The following IRAG2 variants were observed in gnomAD, a reference collection of about 807,000 sequenced individuals.
IRAG2 encodes lymphoid restricted membrane protein.
Under a neutral mutation model 69.9 loss-of-function variants are expected in IRAG2, and 45 were observed. That is an observed-to-expected ratio of 0.64 (90% CI 0.51 to 0.83). The LOEUF (loss-of-function observed/expected upper bound fraction) is 0.83. Ranked by LOEUF, IRAG2 falls within the 40% of genes least tolerant of loss-of-function variation. The probability of loss-of-function intolerance (pLI) is 0.00; values close to 1 mark genes in which losing one functional copy is unlikely to be tolerated. For synonymous variants in IRAG2, 193 were observed against 202.4 expected, an observed-to-expected ratio of 0.95 and a Z score of 0.40; for missense variants, 520 against 587.0, an observed-to-expected ratio of 0.89 and a Z score of 1.18.
At chr12:25,063,572 C>T (rs1012476780) in intron 3 of IRAG2, 148 bp from the exon 4 acceptor site, 3 of 393,604 alleles carry the variant, frequency 7.6e-6, no homozygotes, top group African/African-American at 6.2e-5. Flanking sequence ...AGCTTTTTTA[C>T]TTGACAGAAT....
At chr12:25,030,872 G>A (rs931660475) in intron 10 of IRAG2, 1 of 199,742 alleles carries the variant, frequency 5.0e-6, no homozygotes, top group African/African-American at 2.4e-5. Flanking sequence ...CAACATAAAT[G>A]AGTCTGCAGC....
chr12:25,101,245 C>T lies in IRAG2; in HGVS notation c.809C>T (p.Ala270Val), dbSNP rs1267895795. Residue 270 changes from alanine to valine, a missense_variant, in exon 16 of 22, where the codon GCC becomes GTC. Transcript: ENST00000556887. Reference protein sequence around the residue: ...QHVENLKRMYAKEHAELEELK... With the variant: ...QHVENLKRMYVKEHAELEELK... ...GTAGAAAACTTGAAGAGGATGTATG[C>T]CAAAGAGCACGCTGAATTAGAAGAA... 3 of 1,611,682 alleles carry T rather than the reference C, an allele frequency of 1.9e-6. No homozygotes were observed. The East Asian group carries it at 6.7e-5, about 36-fold the overall frequency.
intron 4 of IRAG2, 39 bp downstream of exon 4, chr12:25,063,855 G>T (rs898751602): frequency 5.0e-6 from 2 of 398,844 alleles, no homozygotes; most frequent in Non-Finnish European, 4.4e-6. Context: ...CACAAGTAGG[G>T]GTAGAGTTCT....
intron 1 of IRAG2, among the ~76,000 whole-genome samples, chr12:25,054,271 T>C (rs766860777): frequency 1.2e-4 from 18 of 152,324 alleles, no homozygotes; most frequent in Admixed American, 5.2e-4. Context: ...GAAGGTTCCC[T>C]TGTGATTAGA....
chr12:25,057,139 G>C (rs1483238598), intron 1 of IRAG2, among the ~76,000 whole-genome samples: 1 of 152,020 alleles, frequency 6.6e-6, no homozygotes, highest in Non-Finnish European at 1.5e-5. Context: ...TTGCATGTCT[G>C]AGTGATGCAT....
chr12:25,092,413 AAATTAACTGGGC>A (rs1267228352), intron 14 of IRAG2, among the ~76,000 whole-genome samples: 2 of 151,502 alleles, frequency 1.3e-5, no homozygotes, highest in Non-Finnish European at 2.9e-5. Flanking sequence ...AAAAAAAAAA[AAATTAACTGGGC>A]ATAGTGGGAC....
At position 25,021,141 on chromosome 12, in the gene IRAG2, G is replaced by A. The variant is rs1455742094; in HGVS notation, c.1332+234G>A. On this transcript the variant is annotated intron_variant, in intron 7 of 38. Coordinates refer to the IRAG2 transcript ENST00000636465. ...TTTTTTTGAGACAGGATCTTGCTTT[G>A]TTGCCCAGGCTGGAGTGCAGTGGCA... The A allele has an allele frequency of 5.0e-5, 7 of 139,318 alleles. No homozygotes were observed. The South Asian group carries it at 1.0e-3, about 20-fold the overall frequency. The allele number at this position is 139,318 out of a possible 1,614,324, so 8.6% of individuals were successfully genotyped here.
At chr12:25,067,195 C>G (rs1946038970) in intron 5 of IRAG2, among the ~76,000 whole-genome samples, 1 of 152,078 alleles carries the variant, frequency 6.6e-6, no homozygotes, top group Non-Finnish European at 1.5e-5. Context: ...GTCCCTGCAC[C>G]CTACCCTCTT....
chr12:25,033,806 G>A, intron 12 of IRAG2: 1 of 398,606 alleles, frequency 2.5e-6, no homozygotes. Context: ...ACGTAATGTT[G>A]GAGGCACACC....
chr12:25,078,213 C>T (rs528894834), intron 6 of IRAG2, among the ~76,000 whole-genome samples: 1 of 152,148 alleles, frequency 6.6e-6, no homozygotes, highest in South Asian at 2.1e-4. Context: ...TATTAAAGGG[C>T]TCTTGTAAAT....
intron 1 of IRAG2, among the ~76,000 whole-genome samples, chr12:25,054,939 A>G (rs1945139391): frequency 6.6e-6 from 1 of 152,228 alleles, no homozygotes; most frequent in East Asian, 1.9e-4. Context: ...ACGTCCACGC[A>G]CATCCCGCCA....
the IRAG2 span, among the ~76,000 whole-genome samples, chr12:24,997,849 T>G: frequency 6.6e-6 from 1 of 152,024 alleles, no homozygotes. Context: ...AGAAAAACAC[T>G]CTACAAATAG....
upstream of IRAG2, among the ~76,000 whole-genome samples, chr12:25,001,891 T>A (rs1470925809): frequency 6.6e-6 from 1 of 150,948 alleles, no homozygotes; most frequent in Non-Finnish European, 1.5e-5. Context: ...TGCCTCAGCC[T>A]CCTGAGTAGC....
chr12:25,061,474 G>A (rs1156869562), intron 1 of IRAG2, 118 bp from the exon 2 acceptor site: 4 of 394,392 alleles, frequency 1.0e-5, no homozygotes, highest in African/African-American at 4.1e-5. Flanking sequence ...GCAGTGAGGT[G>A]AGATCATGCC....
chr12:25,037,483 G>A (rs987383055), intron 15 of IRAG2, among the ~76,000 whole-genome samples: 3 of 152,058 alleles, frequency 2.0e-5, no homozygotes, highest in African/African-American at 7.2e-5. Flanking sequence ...ATTTTTAGTA[G>A]AGACAGGGTT....
intron 7 of IRAG2, chr12:25,021,102 TTTC>T (rs1944575884): frequency 3.0e-6 from 1 of 329,076 alleles, no homozygotes; most frequent in Non-Finnish European, 5.4e-6. Context: ...TTTTTTTTTT[TTTC>T]TTTTTTTCTT....
At chr12:24,997,744 A>C in the IRAG2 span, among the ~76,000 whole-genome samples, 1 of 152,226 alleles carries the variant, frequency 6.6e-6, no homozygotes, top group Non-Finnish European at 1.5e-5. Flanking sequence ...GTTGTGTCTC[A>C]ACCTCAAAAT....
chr12:25,059,874 AAATT>A (rs1443710789), intron 1 of IRAG2, among the ~76,000 whole-genome samples: 1 of 152,198 alleles, frequency 6.6e-6, no homozygotes, highest in African/African-American at 2.4e-5. Flanking sequence ...AAAAAATTAA[AAATT>A]AGATTATGTA....
At chr12:25,042,924 G>A (rs1028755493) in intron 16 of IRAG2, among the ~76,000 whole-genome samples, 2 of 151,258 alleles carry the variant, frequency 1.3e-5, no homozygotes, top group South Asian at 2.1e-4. Flanking sequence ...GCTTTCTCTT[G>A]GAAGATAATG....
Sources: gnomAD v4.1 joint callset for allele counts (sites outside exome capture counted in the v4.1 genomes callset) on GRCh38, gnomAD v4.1.1 for gene constraint, MANE v1.5 for transcripts, NCBI Gene and HGNC (gene_info 2026-07-23, HGNC 2026-07-21) for gene names.